CSMD2: variants seen among roughly 807,000 people sequenced by gnomAD.
The protein encoded by CSMD2 is CUB and Sushi multiple domains 2, also known as CUB and sushi domain-containing protein 2.
Under a neutral mutation model 398.5 loss-of-function variants are expected in CSMD2, and 130 were observed. That is an observed-to-expected ratio of 0.33 (90% CI 0.28 to 0.38). The LOEUF (loss-of-function observed/expected upper bound fraction) is 0.38. Among genes scored for constraint, CSMD2 ranks in the 10% least tolerant of loss-of-function variants. CSMD2 has a pLI of 1.00. For synonymous variants in CSMD2, 1,828 were observed against 1,908.5 expected, an observed-to-expected ratio of 0.96 and a Z score of 1.10; for missense variants, 3,829 against 4,764.9, an observed-to-expected ratio of 0.80 and a Z score of 5.78.
chr1:33,811,095 C>G (rs1231074624), intron 9 of CSMD2, among the ~76,000 whole-genome samples: 4 of 152,244 alleles, frequency 2.6e-5, no homozygotes, highest in African/African-American at 9.6e-5. Flanking sequence ...CTAAGGCAGG[C>G]TAAGCGACCC....
At chr1:33,671,114 T>G (rs906016772) in intron 25 of CSMD2, among the ~76,000 whole-genome samples, 3 of 152,064 alleles carry the variant, frequency 2.0e-5, no homozygotes, top group African/African-American at 7.2e-5. Context: ...GAAATGCGGG[T>G]GGCTGAGACC....
chr1:34,105,993 C>A (rs1660487604), intron 1 of CSMD2, among the ~76,000 whole-genome samples: 1 of 152,192 alleles, frequency 6.6e-6, no homozygotes, highest in African/African-American at 2.4e-5. Flanking sequence ...TGGATTCTAT[C>A]AAGAACCCCA....
chr1:34,051,940 G>A (rs1218103787), intron 2 of CSMD2, among the ~76,000 whole-genome samples: 1 of 152,118 alleles, frequency 6.6e-6, no homozygotes, highest in East Asian at 1.9e-4. Flanking sequence ...ACTAATGGGG[G>A]TGGGGGTTAT....
At chr1:33,968,240 G>T (rs1645631452) in intron 3 of CSMD2, among the ~76,000 whole-genome samples, 2 of 152,198 alleles carry the variant, frequency 1.3e-5, no homozygotes, top group South Asian at 4.1e-4. Flanking sequence ...GAACTCACAT[G>T]GGAGCTGGGG....
intron 1 of CSMD2, among the ~76,000 whole-genome samples, chr1:34,149,518 G>T (rs1236205639): frequency 6.6e-6 from 1 of 152,206 alleles, no homozygotes; most frequent in Admixed American, 6.5e-5. Flanking sequence ...CACGGAAGAA[G>T]TTGAGGATAA....
At chr1:34,112,495 T>C (rs1462109350) in intron 1 of CSMD2, among the ~76,000 whole-genome samples, 1 of 152,194 alleles carries the variant, frequency 6.6e-6, no homozygotes, top group Non-Finnish European at 1.5e-5. Context: ...TGCAGAGTTA[T>C]GTGAATGAAT....
chr1:33,947,947 CA>C (rs1365671472), intron 3 of CSMD2, among the ~76,000 whole-genome samples: 6 of 152,164 alleles, frequency 3.9e-5, no homozygotes, highest in African/African-American at 1.2e-4. Context: ...AGCATGGAAC[CA>C]GGGGAACTGG....
At chr1:33,699,033 G>A (rs1032757708) in intron 23 of CSMD2, 89 bp from the exon 24 acceptor site, 2 of 1,177,704 alleles carry the variant, frequency 1.7e-6, no homozygotes, top group African/African-American at 1.5e-5. Flanking sequence ...CGTCCTCAAG[G>A]AAGCTGTCTC....
chr1:33,793,265 G>T (rs1305234827), intron 10 of CSMD2, among the ~76,000 whole-genome samples: 2 of 152,222 alleles, frequency 1.3e-5, no homozygotes, highest in African/African-American at 4.8e-5. Flanking sequence ...GGAGATGGGG[G>T]TGTCTGAGGA....
At chr1:33,754,177 G>A (rs1243397148) in intron 13 of CSMD2, among the ~76,000 whole-genome samples, 2 of 152,216 alleles carry the variant, frequency 1.3e-5, no homozygotes, top group African/African-American at 4.8e-5. Flanking sequence ...ACATTGAAAT[G>A]TAATCCTTAA....
At chr1:33,653,441 T>C (rs1394884744) in intron 27 of CSMD2, among the ~76,000 whole-genome samples, 4 of 152,202 alleles carry the variant, frequency 2.6e-5, no homozygotes, top group Non-Finnish European at 5.9e-5. Context: ...GCTCCTGGCA[T>C]CTGCTCGCGG....
At chr1:33,936,331 T>C (rs1644479375) in intron 3 of CSMD2, among the ~76,000 whole-genome samples, 1 of 152,202 alleles carries the variant, frequency 6.6e-6, no homozygotes, top group Admixed American at 6.5e-5. Flanking sequence ...TCCACACTCC[T>C]CACTAAATAC....
chr1:33,687,636 T>C (rs552550825), intron 25 of CSMD2, among the ~76,000 whole-genome samples: 1 of 152,232 alleles, frequency 6.6e-6, no homozygotes, highest in South Asian at 2.1e-4. Flanking sequence ...AAAAGAAATA[T>C]AGCCCCTTGT....
chr1:33,777,885 T>C lies in CSMD2; in HGVS notation c.1664-5134A>G, dbSNP rs1263895192. ...TGGAATCGTCTTTTATGAAAATGTC[T>C]GTACAGAAGGGACTGTATCATGTGG... is the stretch of plus-strand genomic sequence containing the variant. On this transcript the variant is annotated intron_variant, in intron 12 of 70. Transcript: ENST00000373381. Among the ~76,000 whole-genome samples the C allele has an allele frequency of 2.6e-5, 4 of 152,202 alleles. No individual in the cohort carries two copies. The East Asian group carries it at 7.7e-4, about 29-fold the overall frequency.
chr1:33,906,624 A>T (rs1007820181), intron 5 of CSMD2, among the ~76,000 whole-genome samples: 1 of 152,226 alleles, frequency 6.6e-6, no homozygotes, highest in African/African-American at 2.4e-5. Context: ...TGGTACCATA[A>T]ACTAGGAAAG....
chr1:33,970,894 C>A (rs1253604331), intron 3 of CSMD2, among the ~76,000 whole-genome samples: 1 of 152,252 alleles, frequency 6.6e-6, no homozygotes, highest in Non-Finnish European at 1.5e-5. Flanking sequence ...CTCTCCTCAA[C>A]CAACCATGTG....
intron 6 of CSMD2, among the ~76,000 whole-genome samples, chr1:33,830,928 G>A (rs1199679774): frequency 6.6e-6 from 1 of 152,162 alleles, no homozygotes. Flanking sequence ...AAGATCAAAT[G>A]AATGAAATGA....
intron 2 of CSMD2, among the ~76,000 whole-genome samples, chr1:34,038,876 T>TC (rs1450936967): frequency 6.6e-6 from 1 of 152,162 alleles, no homozygotes; most frequent in African/African-American, 2.4e-5. Context: ...TAAATACTCT[T>TC]CCCCCGCTTT....
rs67488065 is a variant in CSMD2 at position 34,086,035 on chromosome 1, AG to A, written c.404+2941del. ...AAGTTTCCTGGAAAAAAAAAAAAAA[AG>A]AAAGAAAGAAAACCAAGTGTCAGAA... On this transcript the variant is annotated intron_variant, in intron 2 of 70. Coordinates refer to ENST00000373381, the MANE Select transcript of CSMD2 (RefSeq NM_001281956.2). Among the ~76,000 whole-genome samples the A allele has an allele frequency of 5.0e-3, 736 of 147,716 alleles. 7 individuals are homozygous for A. Among genetic ancestry groups the A allele is most frequent in the African/African-American group, 0.018 (675 of 38,246 alleles).
Sources: allele counts gnomAD v4.1 joint callset (sites outside exome capture counted in the v4.1 genomes callset), GRCh38; gene constraint gnomAD v4.1.1; transcripts MANE v1.5; gene names NCBI Gene and HGNC (gene_info 2026-07-23, HGNC 2026-07-21).